The following PDHX variants were observed in gnomAD, a reference collection of about 807,000 sequenced individuals.
The protein encoded by PDHX is pyruvate dehydrogenase protein X component, mitochondrial.
In PDHX, 33 loss-of-function variants were observed where a neutral mutation model predicts 55.3. The observed-to-expected ratio is 0.60, with a 90% CI of 0.45 to 0.80. The LOEUF (loss-of-function observed/expected upper bound fraction) is 0.80, where lower values mean the gene tolerates loss of function less well. PDHX is among the 30% of genes least tolerant of loss of function. PDHX has a pLI of 0.00. For missense variants in PDHX, 622 were observed against 619.9 expected (o/e 1.00, Z -0.04); for synonymous variants, 226 against 219.4 (o/e 1.03, Z -0.27).
chr11:34,994,126 T>G lies in PDHX; in HGVS notation c.1248-788T>G, dbSNP rs187622010. Among the ~76,000 whole-genome samples the G allele has an allele frequency of 4.0e-3, 615 of 152,164 alleles. 4 individuals carry two copies. The highest frequency in any genetic ancestry group is 0.014 in the African/African-American group (593 of 41,534). On this transcript the variant is annotated intron_variant, in intron 10 of 10. Coordinates refer to ENST00000227868, the MANE Select transcript of PDHX (RefSeq NM_003477.3). ...GTTTCATCATGCAAACATCATAGAG[T>G]GTACTTACGCAAATCATGCAAACAT...
chr11:34,916,117 C>T (rs937496575), upstream of PDHX: 23 of 1,427,952 alleles, frequency 1.6e-5, no homozygotes, highest in Non-Finnish European at 2.1e-5. Flanking sequence ...GCCCGAAACC[C>T]CGCCCCGCAG....
intron 6 of PDHX, among the ~76,000 whole-genome samples, chr11:34,968,293 G>T (rs1038258392): frequency 6.6e-6 from 1 of 151,696 alleles, no homozygotes; most frequent in African/African-American, 2.4e-5. Context: ...TCAAATTAAG[G>T]AGGTAAACCT....
rs1426889058 is a variant in PDHX at position 34,992,392 on chromosome 11, C to T, written c.1247+13C>T. On this transcript the variant is annotated intron_variant, in intron 10 of 10. Transcript: ENST00000227868. ...GAGGATCTTTTAGGTAAAATTTAAACTCTTAATTATCCATAGCATCAAACA... is the reference window on the plus strand; with the variant it reads ...GAGGATCTTTTAGGTAAAATTTAAATTCTTAATTATCCATAGCATCAAACA... The T allele has an allele frequency of 2.9e-6, 4 of 1,396,406 alleles. No individual in the cohort carries two copies. Among genetic ancestry groups the T allele is most frequent in the Non-Finnish European group, 4.1e-6 (4 of 982,924 alleles). The allele number at this position is 1,396,406 out of a possible 1,614,324, so 86.5% of individuals were successfully genotyped here.
intron 7 of PDHX, among the ~76,000 whole-genome samples, chr11:34,971,107 A>G (rs1855248540): frequency 6.6e-6 from 1 of 152,154 alleles, no homozygotes. Context: ...TTTAGATTAT[A>G]AATATCTTAT....
intron 7 of PDHX, chr11:34,977,681 A>G (rs149869707): frequency 2.3e-6 from 1 of 442,770 alleles, no homozygotes; most frequent in East Asian, 7.0e-5. Flanking sequence ...GTTCTAGTAT[A>G]ATCAGTATGT....
intron 9 of PDHX, among the ~76,000 whole-genome samples, chr11:34,989,999 C>T (rs1855725944): frequency 6.6e-6 from 1 of 152,074 alleles, no homozygotes; most frequent in East Asian, 1.9e-4. Context: ...TCCATGAACC[C>T]CAAGTTAAGA....
intron 9 of PDHX, among the ~76,000 whole-genome samples, chr11:34,985,154 A>T (rs1324844384): frequency 6.6e-6 from 1 of 152,186 alleles, no homozygotes; most frequent in Non-Finnish European, 1.5e-5. Context: ...CATTAAAAGA[A>T]CTTAGCGGCC....
chr11:34,935,844 A>G (rs1854296321), intron 2 of PDHX, among the ~76,000 whole-genome samples: 1 of 152,212 alleles, frequency 6.6e-6, no homozygotes, highest in Admixed American at 6.5e-5. Flanking sequence ...AATTCCAGAG[A>G]CTAGCCCTGG....
At chr11:34,956,571 T>G (rs1458579150) in intron 3 of PDHX, among the ~76,000 whole-genome samples, 3 of 152,184 alleles carry the variant, frequency 2.0e-5, no homozygotes, top group East Asian at 3.8e-4. Flanking sequence ...TAGGGACTTC[T>G]TTTTAGTAAG....
intron 2 of PDHX, among the ~76,000 whole-genome samples, chr11:34,937,944 G>A (rs995347880): frequency 4.6e-5 from 7 of 152,214 alleles, no homozygotes; most frequent in Non-Finnish European, 8.8e-5. Flanking sequence ...AGTCTTTTAG[G>A]AGTGAAGTCA....
In PDHX at chr11:34,951,214, G is replaced by A. The variant is rs1019875241; in HGVS notation, c.342+3608G>A. Among the ~76,000 whole-genome samples the A allele has an allele frequency of 5.4e-4, 82 of 151,788 alleles. No homozygotes were observed. In the Middle Eastern group the frequency reaches 0.01, roughly 19 times the overall value. ...TGGGACTACAGGCGCCCGCCATCACGCCCGGCTAATTTTTCTGTATTTTTT... is the reference window on the plus strand; with the variant it reads ...TGGGACTACAGGCGCCCGCCATCACACCCGGCTAATTTTTCTGTATTTTTT... On this transcript the variant is annotated intron_variant, in intron 3 of 10. Coordinates refer to ENST00000227868, the MANE Select transcript of PDHX (RefSeq NM_003477.3).
chr11:34,941,049 A>C (rs888878609), intron 2 of PDHX, among the ~76,000 whole-genome samples: 2 of 146,352 alleles, frequency 1.4e-5, no homozygotes, highest in African/African-American at 2.6e-5. Flanking sequence ...TCTGTGTTAA[A>C]CTGTCGAATA....
chr11:34,992,807 T>C (rs769061154), intron 10 of PDHX, among the ~76,000 whole-genome samples: 1 of 152,212 alleles, frequency 6.6e-6, no homozygotes, highest in Admixed American at 6.5e-5. Flanking sequence ...TTACAAATTA[T>C]GGTGCTATGA....
At chr11:34,947,918 A>G (rs992079707) in intron 3 of PDHX, among the ~76,000 whole-genome samples, 4 of 152,220 alleles carry the variant, frequency 2.6e-5, no homozygotes, top group South Asian at 4.1e-4. Flanking sequence ...ATTGTGTGGT[A>G]TATTCCCTGA....
At chr11:34,934,804 C>T (rs1590734663) in intron 2 of PDHX, among the ~76,000 whole-genome samples, 1 of 151,892 alleles carries the variant, frequency 6.6e-6, no homozygotes, top group South Asian at 2.1e-4. Context: ...GTTTTGAACT[C>T]CTGGGCTCAA....
At chr11:34,985,161 G>A (rs2253128) in intron 9 of PDHX, among the ~76,000 whole-genome samples, 90,932 of 152,090 alleles carry the variant, frequency 0.6, 28,781 homozygotes, top group East Asian at 0.75. Context: ...AGAACTTAGC[G>A]GCCAGGCGCG....
intron 7 of PDHX, among the ~76,000 whole-genome samples, chr11:34,973,588 G>T (rs1855300626): frequency 6.6e-6 from 1 of 151,636 alleles, no homozygotes; most frequent in African/African-American, 2.4e-5. Flanking sequence ...TTTTCTTAGG[G>T]TTTACAATGT....
At chr11:34,936,783 C>CTTTTTT (rs58582234) in intron 2 of PDHX, among the ~76,000 whole-genome samples, 40 of 79,014 alleles carry the variant, frequency 5.1e-4, no homozygotes, top group African/African-American at 1.7e-3. Context: ...CTTTTCTTTT[C>CTTTTTT]TTTTTTTTTT....
intron 3 of PDHX, among the ~76,000 whole-genome samples, chr11:34,951,295 A>G (rs10836323): frequency 0.71 from 108,282 of 151,450 alleles, 38,800 homozygotes; most frequent in Middle Eastern, 0.77. Flanking sequence ...TCCTGACCTC[A>G]TGATCCACCC....
Sources: allele counts gnomAD v4.1 joint callset (sites outside exome capture counted in the v4.1 genomes callset), GRCh38; gene constraint gnomAD v4.1.1; transcripts MANE v1.5; gene names NCBI Gene and HGNC (gene_info 2026-07-23, HGNC 2026-07-21).